RORC: variants seen among roughly 807,000 people sequenced by gnomAD.
The protein encoded by RORC is RAR related orphan receptor C, also known as nuclear receptor ROR-gamma.
In RORC, 13 loss-of-function variants were observed where a neutral mutation model predicts 64.5. That is an observed-to-expected ratio of 0.20 (90% confidence interval 0.13 to 0.32). The LOEUF is 0.32. Ranked by LOEUF, RORC falls within the 10% of genes least tolerant of loss-of-function variation. The pLI is 1.00. For synonymous variants in RORC, 277 were observed against 259.3 expected, an observed-to-expected ratio of 1.07 and a Z score of -0.65; for missense variants, 468 against 669.5, an observed-to-expected ratio of 0.70 and a Z score of 3.32.
At chr1:151,825,911 G>C in intron 2 of RORC, 4 of 1,613,678 alleles carry the variant, frequency 2.5e-6, no homozygotes, top group Non-Finnish European at 3.4e-6. Context: ...CCCGCCCCCA[G>C]GTGGCCCCAT....
chr1:151,809,352 C>A (rs1651432342), intron 10 of RORC, among the ~76,000 whole-genome samples: 4 of 152,168 alleles, frequency 2.6e-5, no homozygotes. Flanking sequence ...CGAGATCACA[C>A]CACTGCACTC....
rs1651741303 is a variant in RORC at position 151,816,044 on chromosome 1, G to A, written c.299-619C>T. Among the ~76,000 whole-genome samples the A allele has an allele frequency of 2.0e-5, 3 of 150,688 alleles. No homozygotes were observed. In the South Asian group the frequency reaches 6.3e-4, roughly 31 times the overall value. On this transcript the variant is annotated intron_variant, in intron 4 of 10. Transcript: ENST00000318247. ...GTGCTTCCTTTTGCTTTGTTATTTT[G>A]GGCACTGAAAAGTGCTGACGGGCTC...
chr1:151,815,316 G>C lies in RORC; in HGVS notation c.408C>G (p.Thr136=), dbSNP rs781022560. ...CTGCTCCTTGGGCCCCTGCTGGAGG[G>C]GTCTTGACCACTGGTTCCTGTTGCT... The part of the protein sequence containing the change: ...QQQQQEPVVK[T]PPAGAQGADT... Residue 136 remains threonine, a synonymous_variant, in exon 5 of 11, where the codon ACC becomes ACG. Transcript: ENST00000318247. The C allele has an allele frequency of 6.2e-7, 1 of 1,604,696 alleles. No homozygotes were observed. The highest frequency in any genetic ancestry group is 8.5e-7 in the Non-Finnish European group (1 of 1,174,462).
chr1:151,826,328 G>T (rs1281153596), intron 2 of RORC, among the ~76,000 whole-genome samples: 3 of 152,208 alleles, frequency 2.0e-5, no homozygotes, highest in Non-Finnish European at 4.4e-5. Flanking sequence ...TCTGGCTGGG[G>T]AGCCAGAATG....
chr1:151,808,587 T>C (rs1279382590), intron 10 of RORC, among the ~76,000 whole-genome samples: 6 of 152,210 alleles, frequency 3.9e-5, no homozygotes, highest in African/African-American at 1.4e-4. Context: ...TGAGCTTTTT[T>C]GGGCTATGGC....
At chr1:151,814,867 C>A in intron 5 of RORC, 46 bp downstream of exon 5, 2 of 1,585,092 alleles carry the variant, frequency 1.3e-6, no homozygotes, top group Middle Eastern at 1.7e-4. Flanking sequence ...CTGGTGGAAA[C>A]CCCTCCCTCA....
In RORC at chr1:151,811,321, C is replaced by T; in HGVS notation, c.1395+4G>A. ...GCCTCTTCTACCCCAGGGACTGCTC[C>T]TACCTTTGCCAGGATGCTTTGGCGA... On this transcript the variant is annotated splice_donor_region_variant and intron_variant, in intron 10 of 10. Coordinates refer to ENST00000318247, the MANE Select transcript of RORC (RefSeq NM_005060.4). The T allele has an allele frequency of 6.2e-7, 1 of 1,606,152 alleles. No individual in the cohort carries two copies. The highest frequency in any genetic ancestry group is 8.5e-7 in the Non-Finnish European group (1 of 1,172,840).
In RORC at chr1:151,806,594, T is replaced by C. The variant is rs1651320643; in HGVS notation, c.*878A>G. 6.6e-6 allele frequency: 1 copy of C among 152,208 alleles called. No individual in the cohort carries two copies. Among genetic ancestry groups the C allele is most frequent in the Non-Finnish European group, 1.5e-5 (1 of 68,046 alleles). 9.4% of individuals were successfully genotyped at this position (152,208 alleles called of 1,614,324 possible). On this transcript the variant is annotated 3_prime_UTR_variant, in exon 11 of 11. Transcript: ENST00000318247. ...GATTGGGACTTTCCCCTGAGGCCTC[T>C]AGGCTCCTCCAAGCTGTGGCCTCAA...
chr1:151,814,415 T>C (rs1651663414), intron 6 of RORC, 159 bp downstream of exon 6: 1 of 686,776 alleles, frequency 1.5e-6, no homozygotes, highest in Non-Finnish European at 2.5e-6. Context: ...GATACACACA[T>C]TCGCAACTGT....
chr1:151,807,140 CCT>C lies in RORC; in HGVS notation c.*330_*331del. ...ATTCATCCAGGGAGCCCTGGATGCC[CCT>C]GTTTTCTTGAGGATGTCTTGGTCCC... is the stretch of plus-strand genomic sequence containing the variant. On this transcript the variant is annotated 3_prime_UTR_variant, in exon 11 of 11. Coordinates refer to ENST00000318247, the MANE Select transcript of RORC (RefSeq NM_005060.4). This position sits in a 1 kb window ranked among gnomAD's most constrained non-coding sequence, Gnocchi z 5.0. The C allele has an allele frequency of 4.1e-6, 1 of 241,756 alleles. No individual in the cohort carries two copies. Among genetic ancestry groups the C allele is most frequent in the Non-Finnish European group, 8.0e-6 (1 of 124,722 alleles). The allele number at this position is 241,756 out of a possible 1,614,324, so 15.0% of individuals were successfully genotyped here.
chr1:151,829,927 TCCTGCCAAATTGTAAAGC>T (rs1558172028), intron 1 of RORC, among the ~76,000 whole-genome samples: 1 of 152,244 alleles, frequency 6.6e-6, no homozygotes, highest in Non-Finnish European at 1.5e-5. Flanking sequence ...AATGGGTCTT[TCCTGCCAAATTGTAAAGC>T]CCTGTGAAGG....
At position 151,807,697 on chromosome 1, in the gene RORC, C is replaced by T. The variant is rs533665141; in HGVS notation, c.1396-64G>A. On this transcript the variant is annotated intron_variant, in intron 10 of 10. Transcript: ENST00000318247. This position sits in a 1 kb window ranked among gnomAD's most constrained non-coding sequence, Gnocchi z 5.0. ...CAGCTCTCCTCAGAGCAAAGAAGTC[C>T]GCTCATTCTTCCTGGGCTAGGACAA... 151 of 1,560,294 alleles carry T rather than the reference C, an allele frequency of 9.7e-5. No homozygotes were observed. Among genetic ancestry groups the T allele is most frequent in the African/African-American group, 5.2e-4 (38 of 73,746 alleles).
At chr1:151,831,250 C>T (rs1462431426) in intron 1 of RORC, 2 of 585,132 alleles carry the variant, frequency 3.4e-6, no homozygotes, top group African/African-American at 3.9e-5. Context: ...TCTGTCACTC[C>T]TTAAAGGACA....
rs570066230 is a variant in RORC, at chr1:151,817,062, T to C, written c.156+133A>G. 8.7e-5 allele frequency: 69 copies of C among 794,488 alleles called. No individual in the cohort carries two copies. In the African/African-American group the frequency reaches 1.2e-3, roughly 13 times the overall value. The allele number at this position is 794,488 out of a possible 1,614,324, so 49.2% of individuals were successfully genotyped here. A position where few individuals can be genotyped will look rare whatever the true frequency, so the allele number is the denominator to read the frequency against. ...TCCTGGCTGCCCAGGAGATCATCCC[T>C]GGAGTCAGAACAAAGGCCATTAACC... On this transcript the variant is annotated intron_variant, in intron 3 of 10. Transcript: ENST00000318247.
In RORC at chr1:151,830,621, T is replaced by TACATACACACACACACAC; in HGVS notation, c.40+1103_40+1104insGTGTGTGTGTGTGTATGT. ...TGCTGTTCAGTCTTGACACCTGACA[T>TACATACACACACACACAC]ACACACACACACACACACACACACA... On this transcript the variant is annotated intron_variant, in intron 1 of 10. Coordinates refer to ENST00000318247, the MANE Select transcript of RORC (RefSeq NM_005060.4). This position sits in a 1 kb window ranked among gnomAD's most constrained non-coding sequence, Gnocchi z 4.0. Among the ~76,000 whole-genome samples, 2 of 57,194 alleles carry TACATACACACACACACAC rather than the reference T, an allele frequency of 3.5e-5. 1 individual carries two copies. Among genetic ancestry groups the TACATACACACACACACAC allele is most frequent in the Admixed American group, 3.2e-4 (2 of 6,256 alleles). The allele number at this position is 57,194 out of a possible 152,430, so 37.5% of individuals were successfully genotyped here. A position where few individuals can be genotyped will look rare whatever the true frequency, so the allele number is the denominator to read the frequency against.
chr1:151,827,618 T>G (rs1002181975), intron 2 of RORC, among the ~76,000 whole-genome samples: 4 of 152,210 alleles, frequency 2.6e-5, no homozygotes, highest in African/African-American at 9.6e-5. Flanking sequence ...TAATGTCTCC[T>G]GGATTCTGTG....
At chr1:151,820,080 G>A (rs1208977205) in intron 2 of RORC, among the ~76,000 whole-genome samples, 1 of 152,128 alleles carries the variant, frequency 6.6e-6, no homozygotes, top group South Asian at 2.1e-4. Context: ...TTGTATCCTG[G>A]CCTTTGCCCA....
In RORC at chr1:151,811,260, G is replaced by A. The variant is rs2280471; in HGVS notation, c.1395+65C>T. The A allele has an allele frequency of 0.096, 102,966 of 1,075,394 alleles. 5,471 individuals carry two copies. The highest frequency in any genetic ancestry group is 0.13 in the East Asian group (5,615 of 41,944). The allele number at this position is 1,075,394 out of a possible 1,614,324, so 66.6% of individuals were successfully genotyped here. On this transcript the variant is annotated intron_variant, in intron 10 of 10. Coordinates refer to ENST00000318247, the MANE Select transcript of RORC (RefSeq NM_005060.4). ...TCTGTACCCACAGACCCCGGCCCTC[G>A]CAAACTCTGATGTTACAGAGCTAGC...
intron 2 of RORC, among the ~76,000 whole-genome samples, chr1:151,822,588 G>C (rs895585302): frequency 2.6e-5 from 4 of 152,196 alleles, no homozygotes; most frequent in African/African-American, 7.2e-5. Flanking sequence ...ACCAGTGAAT[G>C]GGGGAGGGGA....
Sources: gnomAD v4.1 joint callset for allele counts (sites outside exome capture counted in the v4.1 genomes callset) on GRCh38, gnomAD v4.1.1 for gene constraint, Gnocchi (gnomAD v3.1) non-coding constraint, MANE v1.5 for transcripts, NCBI Gene and HGNC (gene_info 2026-07-23, HGNC 2026-07-21) for gene names.